PTPRR: variants seen among roughly 807,000 people sequenced by gnomAD.
PTPRR encodes receptor-type tyrosine-protein phosphatase R.
PTPRR carries 38 observed loss-of-function variants against 77.2 expected under a neutral mutation model. That is an observed-to-expected ratio of 0.49 (90% CI 0.38 to 0.65). PTPRR has a LOEUF of 0.65. PTPRR is among the 30% of genes least tolerant of loss of function. The pLI, the probability that PTPRR is intolerant of heterozygous loss-of-function variation, is 0.00. For missense variants in PTPRR, 744 were observed against 799.2 expected (o/e 0.93, Z 0.83); for synonymous variants, 299 against 283.1 (o/e 1.06, Z -0.57).
intron 6 of PTPRR, among the ~76,000 whole-genome samples, chr12:70,718,050 A>T (rs1889098874): frequency 6.6e-6 from 1 of 152,216 alleles, no homozygotes; most frequent in South Asian, 2.1e-4. Context: ...AATACTATAC[A>T]GCCATGGTAT....
At chr12:70,668,879 T>C (rs1056345934) in intron 10 of PTPRR, among the ~76,000 whole-genome samples, 1 of 152,212 alleles carries the variant, frequency 6.6e-6, no homozygotes, top group Non-Finnish European at 1.5e-5. Flanking sequence ...AATATTTATA[T>C]TTCCAAAAAA....
At chr12:70,748,779 C>G (rs1483748236) in intron 5 of PTPRR, among the ~76,000 whole-genome samples, 2 of 152,140 alleles carry the variant, frequency 1.3e-5, no homozygotes, top group Non-Finnish European at 2.9e-5. Flanking sequence ...AACCACTAGT[C>G]TTTAACATTT....
At chr12:70,649,513 TG>T (rs1886317690) in intron 13 of PTPRR, among the ~76,000 whole-genome samples, 2 of 152,192 alleles carry the variant, frequency 1.3e-5, no homozygotes, top group South Asian at 4.1e-4. Flanking sequence ...TCTGATATAC[TG>T]GTTCTGTCTT....
At chr12:70,706,585 T>A (rs1291005092) in intron 6 of PTPRR, among the ~76,000 whole-genome samples, 2 of 152,144 alleles carry the variant, frequency 1.3e-5, no homozygotes, top group Non-Finnish European at 2.9e-5. Context: ...CTAGGTAGAA[T>A]GTTGCTATGC....
At chr12:70,811,407 T>C (rs188081566) in intron 2 of PTPRR, among the ~76,000 whole-genome samples, 15 of 152,336 alleles carry the variant, frequency 9.8e-5, no homozygotes, top group African/African-American at 3.6e-4. Flanking sequence ...GGTGAAAGTA[T>C]GCATTTTTAA....
chr12:70,677,486 C>G (rs1266096578), intron 10 of PTPRR, among the ~76,000 whole-genome samples: 2 of 152,082 alleles, frequency 1.3e-5, no homozygotes, highest in African/African-American at 4.8e-5. Flanking sequence ...ATCCTTATCC[C>G]AGATCTTAGG....
intron 2 of PTPRR, among the ~76,000 whole-genome samples, chr12:70,850,843 T>C (rs2137069064): frequency 6.6e-6 from 1 of 152,346 alleles, no homozygotes; most frequent in East Asian, 1.9e-4. Context: ...ATGCTGTCCC[T>C]ACATTGCTTT....
intron 2 of PTPRR, among the ~76,000 whole-genome samples, chr12:70,808,431 A>G (rs1891749984): frequency 6.6e-6 from 1 of 152,042 alleles, no homozygotes; most frequent in Non-Finnish European, 1.5e-5. Flanking sequence ...AAAATTGCTA[A>G]TAAAAACTTG....
At chr12:70,787,506 C>T (rs1364331976) in intron 2 of PTPRR, among the ~76,000 whole-genome samples, 1 of 152,162 alleles carries the variant, frequency 6.6e-6, no homozygotes, top group Non-Finnish European at 1.5e-5. Flanking sequence ...AAGATTTAAA[C>T]AGGTTAGTCC....
chr12:70,824,862 C>G (rs1200298408), intron 2 of PTPRR, among the ~76,000 whole-genome samples: 1 of 152,192 alleles, frequency 6.6e-6, no homozygotes, highest in African/African-American at 2.4e-5. Context: ...CTAGAATTAA[C>G]AATCATGAAC....
At chr12:70,671,999 A>G (rs561913579) in intron 10 of PTPRR, 1 of 1,304,192 alleles carries the variant, frequency 7.7e-7, no homozygotes, top group African/African-American at 1.4e-5. Context: ...CAGAGACATG[A>G]GACTAGTCCA....
intron 2 of PTPRR, among the ~76,000 whole-genome samples, chr12:70,773,219 C>T (rs1349911676): frequency 6.6e-6 from 1 of 152,120 alleles, no homozygotes; most frequent in Non-Finnish European, 1.5e-5. Context: ...ACTTTTGTTA[C>T]ACCTACAACA....
At chr12:70,863,419 T>C (rs1430210333) in intron 2 of PTPRR, among the ~76,000 whole-genome samples, 1 of 152,156 alleles carries the variant, frequency 6.6e-6, no homozygotes, top group East Asian at 1.9e-4. Context: ...CTGTCCTACT[T>C]TTATGTAATG....
At position 70,667,850 on chromosome 12, in the gene PTPRR, C is replaced by G. The variant is rs867022190; in HGVS notation, c.1498-5245G>C. The stretch of plus-strand genomic sequence containing the variant: ...CCTTCTCTGACCTTGTTTGGATAGA[C>G]CCTCTGGTTGTGGGACTTGGTTTGC... On this transcript the variant is annotated intron_variant, in intron 10 of 13. Coordinates refer to ENST00000283228, the MANE Select transcript of PTPRR (RefSeq NM_002849.4). 2.6e-4 allele frequency among the ~76,000 whole-genome samples: 40 copies of G among 151,896 alleles called. 1 individual carries two copies. The highest frequency in any genetic ancestry group is 2.4e-3 in the Admixed American group (37 of 15,240).
At chr12:70,861,716 T>C (rs1044289078) in intron 2 of PTPRR, among the ~76,000 whole-genome samples, 2 of 152,084 alleles carry the variant, frequency 1.3e-5, no homozygotes, top group African/African-American at 2.4e-5. Context: ...CCCATTCTCC[T>C]CATACCAAAT....
chr12:70,707,400 A>G (rs1232966518), intron 6 of PTPRR, among the ~76,000 whole-genome samples: 1 of 151,390 alleles, frequency 6.6e-6, no homozygotes, highest in Non-Finnish European at 1.5e-5. Flanking sequence ...GCACAGAACC[A>G]TTGCATATGA....
rs1268761276 is a variant in PTPRR, at chr12:70,883,970, C to G, written c.357+8709G>C. The stretch of plus-strand genomic sequence containing the variant: ...CTCTGTCTGCATTCTCTCACCCACT[C>G]AAACAGTGTTAACAGCCATGCATGG... On this transcript the variant is annotated intron_variant, in intron 2 of 13. Coordinates refer to ENST00000283228, the MANE Select transcript of PTPRR (RefSeq NM_002849.4). Among the ~76,000 whole-genome samples the G allele has an allele frequency of 3.9e-5, 6 of 152,302 alleles. No individual in the cohort carries two copies. The East Asian group carries it at 1.2e-3, about 29-fold the overall frequency.
intron 2 of PTPRR, among the ~76,000 whole-genome samples, chr12:70,774,228 C>T (rs78549223): frequency 0.059 from 9,051 of 152,266 alleles, 292 homozygotes; most frequent in East Asian, 0.088. Flanking sequence ...GGTGAGCTGG[C>T]ACACAGTGTG....
chr12:70,716,360 CTA>C (rs1592700051), intron 6 of PTPRR, among the ~76,000 whole-genome samples: 2 of 149,940 alleles, frequency 1.3e-5, no homozygotes, highest in Non-Finnish European at 3.0e-5. Flanking sequence ...AAGTTTGCCT[CTA>C]ATGAAATTTA....
Sources: gnomAD v4.1 joint callset for allele counts (sites outside exome capture counted in the v4.1 genomes callset) on GRCh38, gnomAD v4.1.1 for gene constraint, MANE v1.5 for transcripts, NCBI Gene and HGNC (gene_info 2026-07-23, HGNC 2026-07-21) for gene names.